Variants in LRP1B observed in about 807,000 individuals in gnomAD.
LRP1B encodes low-density lipoprotein receptor-related protein 1B.
LRP1B carries 217 observed loss-of-function variants against 556.6 expected under a neutral mutation model. The observed-to-expected ratio is 0.39, with a 90% confidence interval of 0.35 to 0.44. LRP1B has a LOEUF of 0.44. Ranked by LOEUF, LRP1B falls within the 20% of genes least tolerant of loss-of-function variation. LRP1B has a pLI of 1.00. For synonymous variants in LRP1B, 2,047 were observed against 1,865.8 expected, an observed-to-expected ratio of 1.10 and a Z score of -2.50; for missense variants, 5,053 against 5,620.8, an observed-to-expected ratio of 0.90 and a Z score of 3.23.
intron 2 of LRP1B, among the ~76,000 whole-genome samples, chr2:141,489,112 CTTTTTTTTTTTTTT>C (rs70994433): frequency 1.3e-5 from 1 of 76,080 alleles, no homozygotes. Context: ...TGATGCTTGG[CTTTTTTTTTTTTTT>C]TTTTTTTTTT....
chr2:140,845,567 G>T (rs1214993888), intron 29 of LRP1B, among the ~76,000 whole-genome samples: 1 of 151,478 alleles, frequency 6.6e-6, no homozygotes, highest in African/African-American at 2.4e-5. Context: ...AAAACAAAAG[G>T]TCCAATCCTC....
chr2:141,643,504 G>T (rs1479445517), intron 2 of LRP1B, among the ~76,000 whole-genome samples: 1 of 152,088 alleles, frequency 6.6e-6, no homozygotes, highest in Non-Finnish European at 1.5e-5. Context: ...TAGGTTTGTG[G>T]GAAAATCTGT....
intron 1 of LRP1B, among the ~76,000 whole-genome samples, chr2:141,929,235 TA>T (rs1700419712): frequency 6.6e-6 from 1 of 152,088 alleles, no homozygotes; most frequent in South Asian, 2.1e-4. Flanking sequence ...TGCCAAAAGC[TA>T]TACAAACCTC....
chr2:141,592,820 T>A (rs1188501869), intron 2 of LRP1B, among the ~76,000 whole-genome samples: 1 of 152,148 alleles, frequency 6.6e-6, no homozygotes, highest in Non-Finnish European at 1.5e-5. Flanking sequence ...ATAGAAAGAA[T>A]CCTTGGTACT....
At chr2:141,792,225 A>G (rs1695637323) in intron 2 of LRP1B, among the ~76,000 whole-genome samples, 1 of 152,018 alleles carries the variant, frequency 6.6e-6, no homozygotes, top group South Asian at 2.1e-4. Context: ...GCAAGGCAGA[A>G]TAAGAAAGGA....
At chr2:142,122,138 G>C (rs1389901271) in intron 1 of LRP1B, among the ~76,000 whole-genome samples, 1 of 151,944 alleles carries the variant, frequency 6.6e-6, no homozygotes, top group African/African-American at 2.4e-5. Flanking sequence ...AAACTCTGGT[G>C]GTGTTTTCAT....
At chr2:140,571,963 A>G (rs947555612) in intron 43 of LRP1B, among the ~76,000 whole-genome samples, 1 of 151,666 alleles carries the variant, frequency 6.6e-6, no homozygotes, top group Admixed American at 6.6e-5. Context: ...TGAAACTAGA[A>G]CCTTGTATCT....
At chr2:141,734,741 G>T (rs1422647569) in intron 2 of LRP1B, among the ~76,000 whole-genome samples, 5 of 152,116 alleles carry the variant, frequency 3.3e-5, no homozygotes, top group Non-Finnish European at 7.4e-5. Flanking sequence ...AAGAAGTGCT[G>T]CAAACTGCAG....
chr2:142,097,276 T>G (rs1706409704), intron 1 of LRP1B, among the ~76,000 whole-genome samples: 1 of 151,728 alleles, frequency 6.6e-6, no homozygotes, highest in Admixed American at 6.6e-5. Context: ...TGTAAAGCCT[T>G]TCTTTCTTAC....
intron 7 of LRP1B, among the ~76,000 whole-genome samples, chr2:141,117,430 T>C (rs527584654): frequency 1.3e-5 from 2 of 152,074 alleles, no homozygotes; most frequent in African/African-American, 2.4e-5. Flanking sequence ...AGATGGCAAG[T>C]AGTTTTAATC....
intron 82 of LRP1B, among the ~76,000 whole-genome samples, chr2:140,321,286 AATT>A (rs1680107166): frequency 6.6e-6 from 1 of 151,678 alleles, no homozygotes; most frequent in East Asian, 1.9e-4. Context: ...GTAATGTTTC[AATT>A]TTTATTGATT....
At chr2:141,187,067 G>A (rs543330157) in intron 7 of LRP1B, among the ~76,000 whole-genome samples, 3 of 152,138 alleles carry the variant, frequency 2.0e-5, no homozygotes, top group African/African-American at 7.2e-5. Context: ...AAAGAATGTT[G>A]TTAGTGCGTT....
chr2:141,554,416 T>C (rs151285878), intron 2 of LRP1B, among the ~76,000 whole-genome samples: 1,839 of 150,626 alleles, frequency 0.012, 37 homozygotes, highest in African/African-American at 0.042. Context: ...TAGGAATAGA[T>C]ATAGATACAT....
chr2:141,017,671 G>GCA (rs373487395), intron 12 of LRP1B, among the ~76,000 whole-genome samples: 1,827 of 151,152 alleles, frequency 0.012, 40 homozygotes, highest in African/African-American at 0.041. Context: ...ATATGTATAT[G>GCA]CACACACACA....
At chr2:140,514,860 G>T (rs371688096) in intron 50 of LRP1B, 88 bp from the exon 51 acceptor site, 1 of 1,226,838 alleles carries the variant, frequency 8.2e-7, no homozygotes, top group Non-Finnish European at 1.1e-6. Context: ...CTTAGACTTT[G>T]CTAAAATCAA....
intron 3 of LRP1B, among the ~76,000 whole-genome samples, chr2:141,417,322 G>A (rs1425166639): frequency 1.3e-5 from 2 of 152,142 alleles, no homozygotes; most frequent in Non-Finnish European, 2.9e-5. Context: ...TTGTACAGCA[G>A]ATCTCTAAAA....
intron 66 of LRP1B, among the ~76,000 whole-genome samples, chr2:140,431,542 A>G (rs1685943621): frequency 6.6e-6 from 1 of 152,152 alleles, no homozygotes; most frequent in Admixed American, 6.5e-5. Context: ...ATCACAGCTG[A>G]TATATCGTGG....
chr2:141,148,561 T>C (rs959557996), intron 7 of LRP1B, among the ~76,000 whole-genome samples: 2 of 152,154 alleles, frequency 1.3e-5, no homozygotes, highest in Non-Finnish European at 2.9e-5. Context: ...AAAGGTAGCC[T>C]GAGGCAATCC....
chr2:140,366,453 T>C (rs1173616852), intron 71 of LRP1B, among the ~76,000 whole-genome samples: 8 of 151,670 alleles, frequency 5.3e-5, no homozygotes, highest in African/African-American at 1.9e-4. Context: ...GGTGGATAAA[T>C]ATGTCTGAAA....
Sources: allele counts gnomAD v4.1 joint callset (sites outside exome capture counted in the v4.1 genomes callset), GRCh38; gene constraint gnomAD v4.1.1; transcripts MANE v1.5; gene names NCBI Gene and HGNC (gene_info 2026-07-23, HGNC 2026-07-21).